Variants in PLCE1 observed in about 807,000 individuals in gnomAD.
PLCE1 encodes 1-phosphatidylinositol 4,5-bisphosphate phosphodiesterase epsilon-1.
Under a neutral mutation model 242.8 loss-of-function variants are expected in PLCE1, and 119 were observed. The observed-to-expected ratio is 0.49, with a 90% confidence interval of 0.42 to 0.57. PLCE1 has a LOEUF of 0.57. Ranked by LOEUF, PLCE1 falls within the 20% of genes least tolerant of loss-of-function variation. The probability of loss-of-function intolerance (pLI) is 0.00; values close to 1 mark genes in which losing one functional copy is unlikely to be tolerated. For synonymous variants in PLCE1, 945 were observed against 1,017.4 expected (o/e 0.93, Z 1.35); for missense variants, 2,441 against 2,788.8 (o/e 0.88, Z 2.81).
At chr10:94,155,996 A>G (rs1325840318) in intron 3 of PLCE1, among the ~76,000 whole-genome samples, 1 of 152,214 alleles carries the variant, frequency 6.6e-6, no homozygotes, top group Non-Finnish European at 1.5e-5. Flanking sequence ...CAGTTTAAAA[A>G]AAGAATGGAC....
At chr10:94,276,966 C>T (rs533392587) in intron 19 of PLCE1, among the ~76,000 whole-genome samples, 1 of 152,278 alleles carries the variant, frequency 6.6e-6, no homozygotes, top group South Asian at 2.1e-4. Context: ...TCTGGTAGAT[C>T]ATGGGTCTAG....
In PLCE1 at chr10:94,123,602, AACAGCCTC is replaced by A. The variant is rs2046358629; in HGVS notation, c.1207-8569_1207-8562del. On this transcript the variant is annotated intron_variant, in intron 2 of 32. Coordinates refer to ENST00000371380, the MANE Select transcript of PLCE1 (RefSeq NM_016341.4). ...CCAAGCTGCTGCAACTACCCCCTCC[AACAGCCTC>A]ACTGTTTTTGTTGACTCTTCAGGAA... Among the ~76,000 whole-genome samples, 3 of 152,268 alleles carry A rather than the reference AACAGCCTC, an allele frequency of 2.0e-5. No individual in the cohort carries two copies. In the South Asian group the frequency reaches 6.2e-4, roughly 32 times the overall value.
intron 1 of PLCE1, among the ~76,000 whole-genome samples, chr10:93,996,717 G>C (rs2134138140): frequency 6.6e-6 from 1 of 152,338 alleles, no homozygotes; most frequent in Admixed American, 6.5e-5. Context: ...TCGTGGGCCA[G>C]ATTGGGAACC....
Position 94,273,730 on chromosome 10 carries a change from T to C in PLCE1, c.4665+10T>C. The C allele has an allele frequency of 6.2e-7, 1 of 1,612,768 alleles. No individual in the cohort carries two copies. On this transcript the variant is annotated intron_variant, in intron 19 of 32. Transcript: ENST00000371380. ...TATCTTAAAGCAAAAGGTACTCCCC[T>C]CTGTTAAACCAGTTATGAAAAGGCA...
At chr10:94,066,860 T>A (rs1238571075) in intron 2 of PLCE1, among the ~76,000 whole-genome samples, 2 of 152,202 alleles carry the variant, frequency 1.3e-5, no homozygotes, top group Non-Finnish European at 2.9e-5. Flanking sequence ...TCCCTTGTAG[T>A]CACTCTTTAT....
chr10:94,228,858 T>A (rs1232842462), intron 5 of PLCE1, among the ~76,000 whole-genome samples: 1 of 152,162 alleles, frequency 6.6e-6, no homozygotes, highest in Non-Finnish European at 1.5e-5. Context: ...CCAGATGATT[T>A]AGATTCTCTT....
intron 3 of PLCE1, among the ~76,000 whole-genome samples, chr10:94,148,793 G>A (rs898822411): frequency 1.3e-5 from 2 of 152,172 alleles, no homozygotes; most frequent in Admixed American, 6.5e-5. Context: ...AAGCGTAGAC[G>A]TCATACCTCA....
intron 7 of PLCE1, among the ~76,000 whole-genome samples, chr10:94,243,247 T>C (rs114837883): frequency 1.2e-4 from 18 of 152,206 alleles, no homozygotes; most frequent in African/African-American, 4.1e-4. Context: ...ATAACCTGCA[T>C]CTAGTTATGG....
rs77912179 is a variant in PLCE1 at position 94,101,756 on chromosome 10, C to T, written c.1207-30418C>T. ...TGCCTTTGGAGGCAGAGGTTGTGGG[C>T]ACGGGAAGGATGTTGCCCCCTGCTC... On this transcript the variant is annotated intron_variant, in intron 2 of 32. Coordinates refer to ENST00000371380, the MANE Select transcript of PLCE1 (RefSeq NM_016341.4). Among the ~76,000 whole-genome samples, 1,392 of 152,278 alleles carry T rather than the reference C, an allele frequency of 9.1e-3. 22 individuals are homozygous for T. The highest frequency in any genetic ancestry group is 0.031 in the African/African-American group (1,298 of 41,548).
chr10:94,120,524 G>A (rs965006735), intron 2 of PLCE1, among the ~76,000 whole-genome samples: 11 of 152,142 alleles, frequency 7.2e-5, no homozygotes, highest in Admixed American at 2.0e-4. Context: ...CTCTCTGGTG[G>A]TCATTCACTT....
intron 1 of PLCE1, among the ~76,000 whole-genome samples, chr10:94,011,929 A>G (rs1381492561): frequency 6.6e-6 from 1 of 151,964 alleles, no homozygotes; most frequent in Non-Finnish European, 1.5e-5. Context: ...GGGCATAACC[A>G]TTTTACTAAA....
rs1294585615 is a variant in PLCE1, at chr10:94,331,269, C to G, written c.*3326C>G. 6.6e-6 allele frequency: 1 copy of G among 152,168 alleles called. No individual in the cohort carries two copies. The highest frequency in any genetic ancestry group is 1.5e-5 in the Non-Finnish European group (1 of 68,032). The allele number at this position is 152,168 out of a possible 1,614,324, so 9.4% of individuals were successfully genotyped here. ...TCAATACCTCTGGAGACACTGGAAG[C>G]TCATTAATGAAAGTGGGCCCTCTAT... On this transcript the variant is annotated 3_prime_UTR_variant, in exon 33 of 33. Transcript: ENST00000371380.
intron 4 of PLCE1, among the ~76,000 whole-genome samples, chr10:94,188,326 T>C (rs2136554659): frequency 6.6e-6 from 1 of 152,334 alleles, no homozygotes; most frequent in Admixed American, 6.5e-5. Context: ...AATTTTTAGC[T>C]ATGGAAACCA....
chr10:94,159,169 T>A (rs1444260462), intron 3 of PLCE1, among the ~76,000 whole-genome samples: 1 of 152,198 alleles, frequency 6.6e-6, no homozygotes, highest in Non-Finnish European at 1.5e-5. Context: ...AGTCTGAATA[T>A]ATTGGGTTTT....
At chr10:94,086,344 C>T (rs908931393) in intron 2 of PLCE1, among the ~76,000 whole-genome samples, 9 of 152,152 alleles carry the variant, frequency 5.9e-5, no homozygotes, top group Non-Finnish European at 5.9e-5. Context: ...CCCAGCTTGA[C>T]GACCCATTTT....
chr10:94,233,079 GA>G (rs1200273610), intron 5 of PLCE1, among the ~76,000 whole-genome samples: 1 of 152,224 alleles, frequency 6.6e-6, no homozygotes, highest in Non-Finnish European at 1.5e-5. Context: ...TGCATGGGCT[GA>G]AAGAGAGTGG....
At chr10:94,146,728 G>C (rs910919051) in intron 3 of PLCE1, among the ~76,000 whole-genome samples, 1 of 152,170 alleles carries the variant, frequency 6.6e-6, no homozygotes, top group Admixed American at 6.5e-5. Context: ...TCTTCTTTCG[G>C]CTGCCTAGCT....
chr10:94,270,543 A>G lies in PLCE1; in HGVS notation c.4447A>G (p.Ile1483Val), dbSNP rs886047503. The G allele has an allele frequency of 1.2e-6, 2 of 1,613,928 alleles. No homozygotes were observed. The highest frequency in any genetic ancestry group is 1.3e-5 in the African/African-American group (1 of 74,922). Reference protein sequence around the residue: ...AFINSDLPIIISIENHCSLPQ... With the variant: ...AFINSDLPIIVSIENHCSLPQ... ...CATCAACTCTGACCTGCCAATCATC[A>G]TATCGATTGAGAACCACTGTTCATT... The change falls in exon 18 of 33, where the codon ATA (isoleucine) becomes GTA (valine). Residue 1483 changes from isoleucine to valine, a missense_variant. Ile to Val is a conservative substitution (Grantham distance 29). This residue lies in a region of PLCE1 where 1,004 missense variants were observed against 1,322.7 expected (regional missense o/e 0.76). Coordinates refer to ENST00000371380, the MANE Select transcript of PLCE1 (RefSeq NM_016341.4).
At chr10:94,119,513 A>G (rs1182911269) in intron 2 of PLCE1, among the ~76,000 whole-genome samples, 2 of 152,162 alleles carry the variant, frequency 1.3e-5, no homozygotes, top group Non-Finnish European at 1.5e-5. Flanking sequence ...AGCTTCACCC[A>G]TAGGAAAACT....
Sources: allele counts gnomAD v4.1 joint callset (sites outside exome capture counted in the v4.1 genomes callset), GRCh38; gene constraint gnomAD v4.1.1; regional missense constraint gnomAD v4.1.1; transcripts MANE v1.5; gene names NCBI Gene and HGNC (gene_info 2026-07-23, HGNC 2026-07-21).